Variants in SEMA6D observed in about 807,000 individuals in gnomAD.
The protein encoded by SEMA6D is semaphorin 6D.
SEMA6D carries 35 observed loss-of-function variants against 106.6 expected under a neutral mutation model. The observed-to-expected ratio is 0.33, with a 90% CI of 0.25 to 0.44. The LOEUF is 0.44. SEMA6D is among the 20% of genes least tolerant of loss of function. The pLI, the probability that SEMA6D is intolerant of heterozygous loss-of-function variation, is 1.00. For synonymous variants in SEMA6D, 499 were observed against 487.7 expected (o/e 1.02, Z -0.31); for missense variants, 1,185 against 1,345.9 (o/e 0.88, Z 1.87).
intron 1 of SEMA6D, chr15:47,399,403 A>G (rs1223246188): frequency 1.3e-5 from 2 of 152,010 alleles, no homozygotes; most frequent in Non-Finnish European, 2.9e-5. Flanking sequence ...CCAGAATCTT[A>G]CTCCACTCAG....
intron 1 of SEMA6D, among the ~76,000 whole-genome samples, chr15:47,306,172 A>T (rs971124008): frequency 3.3e-5 from 5 of 151,734 alleles, no homozygotes; most frequent in Non-Finnish European, 4.4e-5. Flanking sequence ...TTTAGTAGAG[A>T]TGGAGTTTCA....
At chr15:47,538,188 T>C (rs1334770674) in intron 3 of SEMA6D, among the ~76,000 whole-genome samples, 1 of 152,212 alleles carries the variant, frequency 6.6e-6, no homozygotes, top group East Asian at 1.9e-4. Context: ...AGCTACACAT[T>C]TTCTGATTGC....
chr15:47,440,026 T>TA (rs1197108903), intron 2 of SEMA6D, among the ~76,000 whole-genome samples: 3 of 152,054 alleles, frequency 2.0e-5, no homozygotes, highest in Non-Finnish European at 4.4e-5. Context: ...GAAGGTTACA[T>TA]AAAAGCAAGT....
intron 2 of SEMA6D, among the ~76,000 whole-genome samples, chr15:47,418,395 C>T (rs762278699): frequency 1.3e-5 from 2 of 152,098 alleles, no homozygotes; most frequent in Admixed American, 6.6e-5. Context: ...TTATTTCTCA[C>T]AGTTCTGGAG....
chr15:47,275,242 G>C (rs752288945), intron 1 of SEMA6D: 1 of 152,228 alleles, frequency 6.6e-6, no homozygotes, highest in South Asian at 2.1e-4. Context: ...ACAAAATACA[G>C]TTATAATCAC....
chr15:47,250,292 CCTAA>C (rs1166437545), intron 1 of SEMA6D, among the ~76,000 whole-genome samples: 3 of 150,560 alleles, frequency 2.0e-5, no homozygotes, highest in African/African-American at 7.4e-5. Context: ...CATGGAGCAA[CCTAA>C]CTCTCTGGGA....
chr15:47,494,771 T>TATATATATATATATATATAG (rs2043592135), intron 3 of SEMA6D, among the ~76,000 whole-genome samples: 1 of 94,540 alleles, frequency 1.1e-5, no homozygotes, highest in African/African-American at 4.7e-5. Context: ...TATATATATA[T>TATATATATATATATATATAG]ATATATATAT....
At chr15:47,253,341 T>C (rs2033624567) in intron 1 of SEMA6D, among the ~76,000 whole-genome samples, 1 of 152,214 alleles carries the variant, frequency 6.6e-6, no homozygotes, top group African/African-American at 2.4e-5. Context: ...TCCTTTGCTA[T>C]GCAGAAGCTT....
At chr15:47,252,052 A>G (rs922927141) in intron 1 of SEMA6D, among the ~76,000 whole-genome samples, 16 of 148,062 alleles carry the variant, frequency 1.1e-4, no homozygotes, top group African/African-American at 3.3e-4. Context: ...AGTAGCTGGG[A>G]CTACAGGCGC....
intron 1 of SEMA6D, among the ~76,000 whole-genome samples, chr15:47,222,512 A>T (rs994475214): frequency 2.0e-5 from 3 of 152,160 alleles, no homozygotes; most frequent in Non-Finnish European, 4.4e-5. Context: ...GTCTGTGTTT[A>T]TTCCCATGGT....
At position 47,499,459 on chromosome 15, in the gene SEMA6D, T is replaced by C. The variant is rs1443681599; in HGVS notation, c.-87+28914T>C. ...CAAAAATTAATTATGGATCTATTAA[T>C]TCATAACTTCATAAAATTATAACTC... On this transcript the variant is annotated intron_variant, in intron 3 of 19. Transcript: ENST00000558014. 2.6e-5 allele frequency among the ~76,000 whole-genome samples: 4 copies of C among 152,294 alleles called. No individual in the cohort carries two copies. In the East Asian group the frequency reaches 7.7e-4, roughly 29 times the overall value.
intron 4 of SEMA6D, among the ~76,000 whole-genome samples, chr15:47,691,306 G>A (rs2078581815): frequency 6.6e-6 from 1 of 152,020 alleles, no homozygotes; most frequent in African/African-American, 2.4e-5. Context: ...TGTCCCTCTG[G>A]GCTTGAAGGG....
chr15:47,199,548 C>T (rs1357488974), intron 1 of SEMA6D, among the ~76,000 whole-genome samples: 1 of 152,004 alleles, frequency 6.6e-6, no homozygotes, highest in Non-Finnish European at 1.5e-5. Flanking sequence ...TACATGGGTC[C>T]TTGTGTATGT....
intron 1 of SEMA6D, among the ~76,000 whole-genome samples, chr15:47,365,284 A>G (rs950603166): frequency 3.9e-5 from 6 of 152,164 alleles, no homozygotes; most frequent in African/African-American, 7.2e-5. Flanking sequence ...TGCTTAGCAT[A>G]TGCACTTTTG....
chr15:47,359,998 G>A (rs113340988), intron 1 of SEMA6D: 9 of 152,030 alleles, frequency 5.9e-5, no homozygotes, highest in Non-Finnish European at 1.0e-4. Flanking sequence ...GAAGTGCTTT[G>A]TGTTTTACGT....
intron 4 of SEMA6D, among the ~76,000 whole-genome samples, chr15:47,612,799 A>G (rs192350680): frequency 1.3e-5 from 2 of 151,918 alleles, no homozygotes; most frequent in East Asian, 1.9e-4. Context: ...GAATGTTGAG[A>G]TTGACAAATA....
intron 4 of SEMA6D, among the ~76,000 whole-genome samples, chr15:47,691,631 A>G (rs535084209): frequency 6.8e-4 from 103 of 152,318 alleles, no homozygotes; most frequent in African/African-American, 2.4e-3. Flanking sequence ...GGCCAGACCA[A>G]TAGTAGGTAC....
intron 1 of SEMA6D, among the ~76,000 whole-genome samples, chr15:47,282,461 G>C (rs919020341): frequency 6.6e-6 from 1 of 152,112 alleles, no homozygotes; most frequent in Non-Finnish European, 1.5e-5. Context: ...TTATTCTACT[G>C]TTGATGAACA....
intron 4 of SEMA6D, among the ~76,000 whole-genome samples, chr15:47,611,177 A>ACACG (rs2076896022): frequency 6.6e-6 from 1 of 151,382 alleles, no homozygotes; most frequent in Non-Finnish European, 1.5e-5. Flanking sequence ...ACACACACAC[A>ACACG]CACACACACG....
Sources: allele counts gnomAD v4.1 joint callset (sites outside exome capture counted in the v4.1 genomes callset), GRCh38; gene constraint gnomAD v4.1.1; transcripts MANE v1.5; gene names NCBI Gene and HGNC (gene_info 2026-07-23, HGNC 2026-07-21).